The following ADGRB2 variants were observed in gnomAD, a reference collection of about 807,000 sequenced individuals.
ADGRB2 encodes brain-specific angiogenesis inhibitor 2.
Under a neutral mutation model 178.7 loss-of-function variants are expected in ADGRB2, and 47 were observed. The observed-to-expected ratio is 0.26, with a 90% CI of 0.21 to 0.34. ADGRB2 has a LOEUF of 0.34. Among genes scored for constraint, ADGRB2 ranks in the 10% least tolerant of loss-of-function variants. ADGRB2 has a pLI of 1.00. For synonymous variants in ADGRB2, 870 were observed against 912.4 expected (o/e 0.95, Z 0.84); for missense variants, 1,584 against 2,180.8 (o/e 0.73, Z 5.45).
At position 31,741,959 on chromosome 1, in the gene ADGRB2, T is replaced by C. The variant is rs748718181; in HGVS notation, c.1426A>G (p.Ser476Gly). 1 of 1,589,928 alleles carries C rather than the reference T, an allele frequency of 6.3e-7. No individual in the cohort carries two copies. The highest frequency in any genetic ancestry group is 1.7e-5 in the Admixed American group (1 of 58,710). ...CSNLECPATD[S>G]KWGPWNAWSL... Reference sequence around the variant, plus strand: ...CACGCATTCCATGGCCCCCACTTGCTATCAGTGGCTGTGGGAGAGGTGAGG... The same window carrying C: ...CACGCATTCCATGGCCCCCACTTGCCATCAGTGGCTGTGGGAGAGGTGAGG... The change falls in exon 9 of 33, where the codon AGC becomes GGC. Residue 476 changes from serine (S) to glycine (G), a missense_variant. Physicochemically the swap from Ser to Gly is moderately conservative, Grantham distance 56 (BLOSUM62 0). Around this residue, in one of 3 missense-constraint regions of ADGRB2, gnomAD observed 657 missense variants for 847.6 expected, o/e 0.78. Coordinates refer to ENST00000373658, the MANE Select transcript of ADGRB2 (RefSeq NM_001364857.2). This position sits in a 1 kb window ranked among gnomAD's most constrained non-coding sequence, Gnocchi z 6.5.
rs149102471 is a variant in ADGRB2, at chr1:31,735,641, C to T, written c.3292G>A (p.Val1098Ile). ...VLVNMLIGII[V>I]FNKLMARDGI... ...TCACGTGCCATGAGCTTGTTGAAGA[C>T]GATGATTCCGATGAGCATGTTCACC... The change falls in exon 24 of 33, where the codon GTC (valine) becomes ATC (isoleucine). Residue 1098 changes from valine to isoleucine, a missense_variant. Val to Ile is a conservative substitution (Grantham distance 29). Around this residue, in one of 3 missense-constraint regions of ADGRB2, gnomAD observed 865 missense variants for 1,192.8 expected, o/e 0.73. Coordinates refer to ENST00000373658, the MANE Select transcript of ADGRB2 (RefSeq NM_001364857.2). The surrounding 1 kb of genome is among the most constrained non-coding windows in gnomAD (Gnocchi z 6.0). 1.6e-5 allele frequency: 26 copies of T among 1,603,782 alleles called. No individual in the cohort carries two copies. In the East Asian group the frequency reaches 2.2e-4, roughly 14 times the overall value.
intron 6 of ADGRB2, 126 bp from the exon 7 acceptor site, chr1:31,743,128 G>C (rs907702662): frequency 8.8e-7 from 1 of 1,133,596 alleles, no homozygotes; most frequent in African/African-American, 1.6e-5. Context: ...GCTCTGCCCC[G>C]GGATCTGTTG....
chr1:31,749,810 G>A (rs1646468545), intron 4 of ADGRB2, among the ~76,000 whole-genome samples: 1 of 152,150 alleles, frequency 6.6e-6, no homozygotes, highest in South Asian at 2.1e-4. Context: ...CCAGCTACTT[G>A]GGAAGCTGAG....
rs952998973 is a variant in ADGRB2, at chr1:31,755,083, T to C, written c.838+916A>G. On this transcript the variant is annotated intron_variant, in intron 4 of 32. Transcript: ENST00000373658. This position sits in a 1 kb window ranked among gnomAD's most constrained non-coding sequence, Gnocchi z 5.1. ...GAGAGAGGAGAGGCCTCCCTGTCGG[T>C]ACCAGAGCTGCAGACCAGACCCCAG... Among the ~76,000 whole-genome samples the C allele has an allele frequency of 2.6e-5, 4 of 152,234 alleles. No homozygotes were observed. The highest frequency in any genetic ancestry group is 9.6e-5 in the African/African-American group (4 of 41,464).
chr1:31,739,004 C>T (rs1645788303), intron 15 of ADGRB2, 67 bp from the exon 16 acceptor site: 21 of 1,401,458 alleles, frequency 1.5e-5, no homozygotes, highest in Middle Eastern at 2.3e-4. Context: ...ACCCTGAAGC[C>T]GCTTTGGATG....
At position 31,732,651 on chromosome 1, in the gene ADGRB2, C is replaced by A. The variant is rs1289821141; in HGVS notation, c.3625-39G>T. On this transcript the variant is annotated intron_variant, in intron 26 of 32. Transcript: ENST00000373658. ...GCGCCTGCTGGGCCTGAGGCCACTGCAGGGCCCCCGACCACAGATGGCTGT... is the reference window on the plus strand; with the variant it reads ...GCGCCTGCTGGGCCTGAGGCCACTGAAGGGCCCCCGACCACAGATGGCTGT... The A allele has an allele frequency of 3.1e-6, 5 of 1,601,266 alleles. No individual in the cohort carries two copies. The South Asian group carries it at 3.3e-5, about 11-fold the overall frequency.
intron 4 of ADGRB2, among the ~76,000 whole-genome samples, chr1:31,751,997 C>T (rs1415428073): frequency 2.0e-5 from 3 of 152,322 alleles, no homozygotes; most frequent in East Asian, 1.9e-4. Context: ...TCACTACCCC[C>T]GCTTTACAGG....
chr1:31,756,295 C>T lies in ADGRB2; in HGVS notation c.542G>A (p.Arg181His), dbSNP rs553484048. ...RLLAPAALAFRFVEVLLINNN... is the reference protein window; with the variant it reads ...RLLAPAALAFHFVEVLLINNN... ...GTTGATGAGCAAGACCTCGACAAAG[C>T]GGAAGGCTAGGGCAGCGGGCGCCAG... is the stretch of plus-strand genomic sequence containing the variant. Residue 181 changes from arginine (R) to histidine (H), a missense_variant, in exon 4 of 33, where the codon CGC becomes CAC. By Grantham distance (29) the Arg-to-His change is conservative. Transcript: ENST00000373658. This position sits in a 1 kb window ranked among gnomAD's most constrained non-coding sequence, Gnocchi z 8.5. The T allele has an allele frequency of 2.4e-5, 38 of 1,613,070 alleles. No individual in the cohort carries two copies. The African/African-American group carries it at 2.7e-4, about 11-fold the overall frequency.
At position 31,740,985 on chromosome 1, in the gene ADGRB2, TACCCAATTAC is replaced by T. The variant is rs2148955145; in HGVS notation, c.1794+378_1794+387del. Among the ~76,000 whole-genome samples, 1 of 151,658 alleles carries T rather than the reference TACCCAATTAC, an allele frequency of 6.6e-6. No individual in the cohort carries two copies. The highest frequency in any genetic ancestry group is 2.0e-4 in the East Asian group (1 of 5,106). On this transcript the variant is annotated intron_variant, in intron 11 of 32. Coordinates refer to ENST00000373658, the MANE Select transcript of ADGRB2 (RefSeq NM_001364857.2). The surrounding 1 kb of genome is among the most constrained non-coding windows in gnomAD (Gnocchi z 5.9). ...GCTCTAAATGCATTCACACAATTAA[TACCCAATTAC>T]AGTCAAACATGTACACACATTCACT...
At chr1:31,751,544 C>G (rs985521812) in intron 4 of ADGRB2, among the ~76,000 whole-genome samples, 1 of 152,200 alleles carries the variant, frequency 6.6e-6, no homozygotes, top group African/African-American at 2.4e-5. Context: ...GTGCTAATTC[C>G]TCTCTCTAAC....
rs1253184072 is a variant in ADGRB2 at position 31,758,255 on chromosome 1, G to A, written c.-190-744C>T. ...GGGGCTAGGAAAAGGGAGACAACCC[G>A]CTCCAGATCACACAAAGGTGGCCAC... On this transcript the variant is annotated intron_variant, in intron 1 of 32. Transcript: ENST00000373658. This position sits in a 1 kb window ranked among gnomAD's most constrained non-coding sequence, Gnocchi z 4.2. Among the ~76,000 whole-genome samples the A allele has an allele frequency of 6.6e-6, 1 of 152,160 alleles. No homozygotes were observed. The highest frequency in any genetic ancestry group is 1.9e-4 in the East Asian group (1 of 5,200).
chr1:31,762,202 C>T (rs149231794), intron 1 of ADGRB2, among the ~76,000 whole-genome samples: 28 of 152,108 alleles, frequency 1.8e-4, no homozygotes, highest in East Asian at 7.7e-4. Flanking sequence ...GAAGAGAGAG[C>T]GGAAGGAGGA....
Position 31,744,067 on chromosome 1 carries a change from T to G in ADGRB2, c.1087+126A>C. ...ATGGTACGCAGAGTTGGGCATGGTGTGGGGAACAGCCACATTTGTTGAATG... is the reference window on the plus strand; with the variant it reads ...ATGGTACGCAGAGTTGGGCATGGTGGGGGGAACAGCCACATTTGTTGAATG... On this transcript the variant is annotated intron_variant, in intron 6 of 32. Transcript: ENST00000373658. This position sits in a 1 kb window ranked among gnomAD's most constrained non-coding sequence, Gnocchi z 6.7. The G allele has an allele frequency of 8.0e-7, 1 of 1,254,806 alleles. No homozygotes were observed. The highest frequency in any genetic ancestry group is 1.1e-6 in the Non-Finnish European group (1 of 923,888). The allele number at this position is 1,254,806 out of a possible 1,614,324, so 77.7% of individuals were successfully genotyped here. A position where few individuals can be genotyped will look rare whatever the true frequency, so the allele number is the denominator to read the frequency against.
At chr1:31,763,802 G>A (rs1041389354) in intron 1 of ADGRB2, 82 bp downstream of exon 1, 313 of 985,216 alleles carry the variant, frequency 3.2e-4, no homozygotes, top group Non-Finnish European at 3.7e-4. Context: ...AGCGCCCCGA[G>A]TCCGGGCCGG....
In ADGRB2 at chr1:31,744,971, T is replaced by C. The variant is rs1439005208; in HGVS notation, c.839-240A>G. The stretch of plus-strand genomic sequence containing the variant: ...CCTCACAGTCATCTTTTCCACCTCT[T>C]GCCTCAGCCAGATGTGGGGGAGATT... On this transcript the variant is annotated intron_variant, in intron 4 of 32. Transcript: ENST00000373658. This position sits in a 1 kb window ranked among gnomAD's most constrained non-coding sequence, Gnocchi z 6.7. 6.6e-6 allele frequency among the ~76,000 whole-genome samples: 1 copy of C among 152,210 alleles called. No homozygotes were observed. The highest frequency in any genetic ancestry group is 6.5e-5 in the Admixed American group (1 of 15,284).
chr1:31,741,673 C>T lies in ADGRB2; in HGVS notation c.1638G>A (p.Lys546=). The change falls in exon 10 of 33, where the codon AAG becomes AAA. Residue 546 remains lysine (K), a synonymous_variant. Coordinates refer to ENST00000373658, the MANE Select transcript of ADGRB2 (RefSeq NM_001364857.2). The surrounding 1 kb of genome is among the most constrained non-coding windows in gnomAD (Gnocchi z 6.5). ...DEYVMLMTWK[K]AAAGEIIYNK... Reference sequence around the variant, plus strand: ...TGTAGATGATCTCGCCAGCAGCTGCCTTCTTCCACGTCATCAGCATCACGT... The same window carrying T: ...TGTAGATGATCTCGCCAGCAGCTGCTTTCTTCCACGTCATCAGCATCACGT... The T allele has an allele frequency of 1.2e-6, 2 of 1,614,094 alleles. No homozygotes were observed. The highest frequency in any genetic ancestry group is 2.7e-5 in the African/African-American group (2 of 75,026).
Position 31,728,539 on chromosome 1 carries a change from C to G in ADGRB2, c.4416+59G>C, listed in dbSNP as rs916212810. On this transcript the variant is annotated intron_variant, in intron 30 of 32. Coordinates refer to ENST00000373658, the MANE Select transcript of ADGRB2 (RefSeq NM_001364857.2). The surrounding 1 kb of genome is among the most constrained non-coding windows in gnomAD (Gnocchi z 6.7). ...CTTGGACTACTTTTAGGAGTGAGCC[C>G]TCCAGGGACAGACACCACAGCCAGA... 7 of 1,610,818 alleles carry G rather than the reference C, an allele frequency of 4.3e-6. No homozygotes were observed. In the African/African-American group the frequency reaches 6.7e-5, roughly 15 times the overall value.
At position 31,756,710 on chromosome 1, in the gene ADGRB2, G is replaced by A; in HGVS notation, c.127C>T (p.Leu43=). The part of the protein sequence containing the change: ...FDPAPSACSA[L]ASGVLYGAFS... Reference sequence around the variant, plus strand: ...GCCCCGTAGAGCACACCCGAGGCCAGGGCAGAGCAGGCACTGGGGGCGGGG... The same window carrying A: ...GCCCCGTAGAGCACACCCGAGGCCAAGGCAGAGCAGGCACTGGGGGCGGGG... The change falls in exon 4 of 33, where the codon CTG becomes TTG. Residue 43 remains leucine, a synonymous_variant. Coordinates refer to ENST00000373658, the MANE Select transcript of ADGRB2 (RefSeq NM_001364857.2). This position sits in a 1 kb window ranked among gnomAD's most constrained non-coding sequence, Gnocchi z 8.5. The A allele has an allele frequency of 1.3e-6, 2 of 1,599,698 alleles. No homozygotes were observed. The highest frequency in any genetic ancestry group is 1.7e-6 in the Non-Finnish European group (2 of 1,173,610).
In ADGRB2 at chr1:31,759,548, C is replaced by T. The variant is rs919836713; in HGVS notation, c.-190-2037G>A. 6.6e-6 allele frequency: 4 copies of T among 601,540 alleles called. No homozygotes were observed. Among genetic ancestry groups the T allele is most frequent in the Non-Finnish European group, 9.0e-6 (3 of 333,766 alleles). 37.3% of individuals were successfully genotyped at this position (601,540 alleles called of 1,614,324 possible). A position where few individuals can be genotyped will look rare whatever the true frequency, so the allele number is the denominator to read the frequency against. On this transcript the variant is annotated intron_variant, in intron 1 of 32. Transcript: ENST00000373658. The surrounding 1 kb of genome is among the most constrained non-coding windows in gnomAD (Gnocchi z 4.3). ...TGGAGTCACTTTTAACCCAATCCAA[C>T]CCCCCTCCTCCCCTCAGTCTCCTTC...
Sources: allele counts gnomAD v4.1 joint callset (sites outside exome capture counted in the v4.1 genomes callset), GRCh38; gene constraint gnomAD v4.1.1; regional missense constraint gnomAD v4.1.1; non-coding constraint Gnocchi (gnomAD v3.1); transcripts MANE v1.5; gene names NCBI Gene and HGNC (gene_info 2026-07-23, HGNC 2026-07-21).